Variants in ZNF266 observed in about 807,000 individuals in gnomAD.
The protein encoded by ZNF266 is zinc finger protein 1.
In ZNF266, 16 loss-of-function variants were observed where a neutral mutation model predicts 16.4. The ratio of observed to expected loss-of-function variants is 0.98; its 90% CI spans 0.66 to 1.48. The LOEUF (loss-of-function observed/expected upper bound fraction) is 1.48, where lower values mean the gene tolerates loss of function less well. Among genes scored for constraint, ZNF266 ranks in the 40% most tolerant of loss-of-function variants. The probability of loss-of-function intolerance (pLI) is 0.00; values close to 1 mark genes in which losing one functional copy is unlikely to be tolerated. For missense variants in ZNF266, 738 were observed against 689.1 expected (o/e 1.07, Z -0.79); for synonymous variants, 262 against 237.9 (o/e 1.10, Z -0.93).
chr19:9,432,049 T>C (rs1332087968), intron 5 of ZNF266, among the ~76,000 whole-genome samples: 2 of 152,164 alleles, frequency 1.3e-5, no homozygotes, highest in Non-Finnish European at 2.9e-5. Flanking sequence ...TTCACCTCCC[T>C]GGTTCAAGTG....
chr19:9,421,697 A>T (rs1454842028), intron 5 of ZNF266, among the ~76,000 whole-genome samples: 2 of 152,302 alleles, frequency 1.3e-5, no homozygotes, highest in East Asian at 3.9e-4. Context: ...AAATAACATG[A>T]GATAAAAATT....
intron 5 of ZNF266, among the ~76,000 whole-genome samples, chr19:9,430,809 C>T (rs955879948): frequency 2.0e-5 from 3 of 152,140 alleles, no homozygotes; most frequent in Non-Finnish European, 4.4e-5. Flanking sequence ...TCCACAACCA[C>T]GCTGGGAAAG....
intron 5 of ZNF266, among the ~76,000 whole-genome samples, chr19:9,421,642 A>C (rs1599484083): frequency 6.6e-6 from 1 of 152,168 alleles, no homozygotes; most frequent in Admixed American, 6.5e-5. Flanking sequence ...CAGTGTGCTC[A>C]TCTCTCGCAA....
At chr19:9,429,308 TTG>T in intron 5 of ZNF266, among the ~76,000 whole-genome samples, 2 of 152,224 alleles carry the variant, frequency 1.3e-5, no homozygotes, top group South Asian at 4.1e-4. Context: ...TAACATTAGA[TTG>T]TCCCAGAGGC....
chr19:9,426,830 G>GA (rs898255834), intron 5 of ZNF266, among the ~76,000 whole-genome samples: 1 of 151,802 alleles, frequency 6.6e-6, no homozygotes, highest in Non-Finnish European at 1.5e-5. Context: ...AAATACAGGA[G>GA]AAAAAAAATA....
intron 5 of ZNF266, among the ~76,000 whole-genome samples, chr19:9,431,802 A>T (rs951877781): frequency 9.9e-5 from 15 of 152,142 alleles, no homozygotes; most frequent in African/African-American, 3.4e-4. Flanking sequence ...AAATACTGTA[A>T]TATGACCCCA....
rs199682116 is a variant in ZNF266, at chr19:9,417,841, T to A, written c.303A>T (p.Arg101Ser). 1 of 1,613,684 alleles carries A rather than the reference T, an allele frequency of 6.2e-7. No homozygotes were observed. The highest frequency in any genetic ancestry group is 8.5e-7 in the Non-Finnish European group (1 of 1,179,790). ...GTGAACACTCACCTTGGAAATCACC[T>A]CTCTGCACTGTCCTAGACTCTTCTT... ...LEQEESRTVQ[R>S]GDFQASEWKV... Residue 101 changes from arginine to serine, a missense_variant, in exon 9 of 11, where the codon AGA (arginine) becomes AGT (serine). Coordinates refer to ENST00000592904, the MANE Select transcript of ZNF266 (RefSeq NM_001370374.1).
In ZNF266 at chr19:9,435,114, G is replaced by C. The variant is rs1176951567; in HGVS notation, c.-478C>G. 6.6e-6 allele frequency: 1 copy of C among 151,726 alleles called. No homozygotes were observed. The highest frequency in any genetic ancestry group is 1.5e-5 in the Non-Finnish European group (1 of 68,010). The allele number at this position is 151,726 out of a possible 1,614,324, so 9.4% of individuals were successfully genotyped here. A position where few individuals can be genotyped will look rare whatever the true frequency, so the allele number is the denominator to read the frequency against. ...CTTTCACCCCAGTACTCACCGCGAC[G>C]AGCTGGACTCGCCAGGTACGGGAGA... On this transcript the variant is annotated 5_prime_UTR_variant, in exon 2 of 11. Coordinates refer to ENST00000592904, the MANE Select transcript of ZNF266 (RefSeq NM_001370374.1).
Position 9,418,606 on chromosome 19 carries a change from G to T in ZNF266, c.134C>A (p.Ala45Asp). 6.5e-7 allele frequency: 1 copy of T among 1,532,634 alleles called. No homozygotes were observed. Among genetic ancestry groups the T allele is most frequent in the Non-Finnish European group, 9.0e-7 (1 of 1,105,874 alleles). 94.9% of individuals were successfully genotyped at this position (1,532,634 alleles called of 1,614,324 possible). A position where few individuals can be genotyped will look rare whatever the true frequency, so the allele number is the denominator to read the frequency against. ...YQDSVTFDDL[A>D]VDFTPEEWTL... ...CCATTCTTCTGGGGTGAAGTCCACA[G>T]CCAGATCATCAAAAGTCACTGAATC... Residue 45 changes from alanine to aspartate, a missense_variant, in exon 8 of 11, where the codon GCT (alanine) becomes GAT (aspartate). Coordinates refer to ENST00000592904, the MANE Select transcript of ZNF266 (RefSeq NM_001370374.1).
chr19:9,413,438 T>A lies in ZNF266; in HGVS notation c.1688A>T (p.Gln563Leu), dbSNP rs768253302. ...HTGEKPYKCK[Q>L]CGKSFSYSNS... Reference sequence around the variant, plus strand: ...GGAGTAACTGAAGGATTTCCCACACTGTTTACATTTGTAGGGTTTTTCTCC... The same window carrying A: ...GGAGTAACTGAAGGATTTCCCACACAGTTTACATTTGTAGGGTTTTTCTCC... Residue 563 changes from glutamine (Q) to leucine (L), a missense_variant, in exon 11 of 11, where the codon CAG becomes CTG. By Grantham distance (113) the Gln-to-Leu change is moderately radical. Transcript: ENST00000592904. 2 of 1,614,118 alleles carry A rather than the reference T, an allele frequency of 1.2e-6. No individual in the cohort carries two copies. The highest frequency in any genetic ancestry group is 4.5e-5 in the East Asian group (2 of 44,878).
intron 5 of ZNF266, among the ~76,000 whole-genome samples, chr19:9,428,663 T>C (rs1269542714): frequency 5.3e-5 from 8 of 149,560 alleles, no homozygotes; most frequent in African/African-American, 1.7e-4. Flanking sequence ...ACCTTCTTCA[T>C]GGTTACAATA....
Position 9,414,506 on chromosome 19 carries a change from AG to A in ZNF266, c.619del (p.Leu207Ter), listed in dbSNP as rs1005861728. ...VFSQCGKAFS[L>X]NPDVVCQRTC... is the part of the protein sequence containing the mutation. ...TCTCTGGCAAACAACATCTGGGTTC[AG>A]GCTGAAGGCTTTTCCACACTGACTA... On this transcript the variant is annotated frameshift_variant, in exon 11 of 11. Transcript: ENST00000592904. LOFTEE classifies it low-confidence loss of function (END_TRUNC). 1 of 1,614,212 alleles carries A rather than the reference AG, an allele frequency of 6.2e-7. No homozygotes were observed. The highest frequency in any genetic ancestry group is 8.5e-7 in the Non-Finnish European group (1 of 1,180,006).
In ZNF266 at chr19:9,427,867, T is replaced by C. The variant is rs1037323027; in HGVS notation, c.-130+5801A>G. Among the ~76,000 whole-genome samples, 8 of 152,204 alleles carry C rather than the reference T, an allele frequency of 5.3e-5. No individual in the cohort carries two copies. The East Asian group carries it at 1.5e-3, about 29-fold the overall frequency. ...TGTCATTAAGGGGAAGTAATTCCAG[T>C]ATCTTTTAGTAATTTTTGGGTTCTG... On this transcript the variant is annotated intron_variant, in intron 5 of 10. Transcript: ENST00000592904.
chr19:9,422,846 AC>A (rs1286995201), intron 5 of ZNF266, among the ~76,000 whole-genome samples: 4 of 152,206 alleles, frequency 2.6e-5, no homozygotes, highest in African/African-American at 9.6e-5. Flanking sequence ...ATGCATGCAT[AC>A]ACATACACAG....
intron 5 of ZNF266, among the ~76,000 whole-genome samples, chr19:9,422,632 T>C (rs958104107): frequency 6.6e-6 from 1 of 152,120 alleles, no homozygotes; most frequent in Non-Finnish European, 1.5e-5. Flanking sequence ...ATAGCCAGGG[T>C]TGCCTGCATT....
At chr19:9,418,866 G>A (rs2069443822) in intron 7 of ZNF266, 1 of 382,882 alleles carries the variant, frequency 2.6e-6, no homozygotes, top group Non-Finnish European at 4.9e-6. Context: ...CTCCACTGCA[G>A]CACACTCTTG....
At position 9,429,018 on chromosome 19, in the gene ZNF266, G is replaced by T. The variant is rs531973563; in HGVS notation, c.-130+4650C>A. ...CAAACTCCTGGGATTACAGGGGCGA[G>T]CCACTGTGCCCAACCCATGTTTCAT... On this transcript the variant is annotated intron_variant, in intron 5 of 10. Transcript: ENST00000592904. Among the ~76,000 whole-genome samples the T allele has an allele frequency of 2.6e-5, 4 of 152,164 alleles. No individual in the cohort carries two copies. In the South Asian group the frequency reaches 6.2e-4, roughly 24 times the overall value.
intron 10 of ZNF266, 23 bp downstream of exon 10, chr19:9,415,631 A>G (rs779057002): frequency 1.9e-6 from 3 of 1,575,994 alleles, no homozygotes; most frequent in South Asian, 2.2e-5. Context: ...GTGAAAACTA[A>G]GACGTATCCT....
In ZNF266 at chr19:9,413,139, A is replaced by G. The variant is rs1157303112; in HGVS notation, c.*136T>C. The stretch of plus-strand genomic sequence containing the variant: ...CATTCCCTGATGCAGGGTCTTCTCC[A>G]CTGTGAATTCATATGTGTTCATTAA... On this transcript the variant is annotated 3_prime_UTR_variant, in exon 11 of 11. Transcript: ENST00000592904. The G allele has an allele frequency of 9.1e-7, 1 of 1,100,648 alleles. No individual in the cohort carries two copies. Among genetic ancestry groups the G allele is most frequent in the Non-Finnish European group, 1.3e-6 (1 of 781,788 alleles). 68.2% of individuals were successfully genotyped at this position (1,100,648 alleles called of 1,614,324 possible).
Sources: gnomAD v4.1 joint callset for allele counts (sites outside exome capture counted in the v4.1 genomes callset) on GRCh38, gnomAD v4.1.1 for gene constraint, MANE v1.5 for transcripts, NCBI Gene and HGNC (gene_info 2026-07-23, HGNC 2026-07-21) for gene names.